Variants in RFTN1 observed in about 807,000 individuals in gnomAD.
The protein encoded by RFTN1 is raftlin.
A neutral mutation model predicts 46.5 loss-of-function variants in RFTN1; 26 were observed. That is an observed-to-expected ratio of 0.56 (90% CI 0.41 to 0.78). RFTN1 has a LOEUF of 0.78. Among genes scored for constraint, RFTN1 ranks in the 30% least tolerant of loss-of-function variants. RFTN1 has a pLI of 0.00. For synonymous variants in RFTN1, 261 were observed against 284.2 expected, an observed-to-expected ratio of 0.92 and a Z score of 0.82; for missense variants, 693 against 718.7, an observed-to-expected ratio of 0.96 and a Z score of 0.41.
chr3:16,403,334 C>A (rs1306868234), intron 4 of RFTN1, among the ~76,000 whole-genome samples: 1 of 151,672 alleles, frequency 6.6e-6, no homozygotes, highest in Non-Finnish European at 1.5e-5. Flanking sequence ...CATTGGCAAA[C>A]TGCATAGCTT....
At chr3:16,419,898 C>G (rs1444858233) in intron 3 of RFTN1, among the ~76,000 whole-genome samples, 3 of 152,180 alleles carry the variant, frequency 2.0e-5, no homozygotes, top group Admixed American at 6.5e-5. Flanking sequence ...AGTTTGGTAT[C>G]TCTGGGAACA....
chr3:16,317,033 G>A lies in RFTN1; in HGVS notation c.1532C>T (p.Pro511Leu), dbSNP rs778299433. Residue 511 changes from proline to leucine, a missense_variant, in exon 10 of 10, where the codon CCT becomes CTT. Coordinates refer to ENST00000334133, the MANE Select transcript of RFTN1 (RefSeq NM_015150.2). This position sits in a 1 kb window ranked among gnomAD's most constrained non-coding sequence, Gnocchi z 4.3. ...CTGTTCTCCCTTGTCCTCTTGGACA[G>A]GGCCCTTCATCTCCTCGGAGACTCC... ...EGGVSEEMKG[P>L]VQEDKGEQLS... is the part of the protein sequence containing the mutation. The A allele has an allele frequency of 3.1e-6, 5 of 1,613,748 alleles. No individual in the cohort carries two copies. In the South Asian group the frequency reaches 3.3e-5, roughly 11 times the overall value.
At chr3:16,340,740 C>T (rs2071262577) in intron 7 of RFTN1, among the ~76,000 whole-genome samples, 2 of 152,208 alleles carry the variant, frequency 1.3e-5, no homozygotes, top group Admixed American at 6.5e-5. Context: ...CCCTACCCCT[C>T]ACCTTCTTGT....
At chr3:16,398,437 C>T (rs2074527384) in intron 4 of RFTN1, among the ~76,000 whole-genome samples, 2 of 152,108 alleles carry the variant, frequency 1.3e-5, no homozygotes, top group African/African-American at 4.8e-5. Context: ...CTTTAGGCTT[C>T]ACTCTTGGCC....
At chr3:16,406,164 G>A (rs964383480) in intron 4 of RFTN1, among the ~76,000 whole-genome samples, 14 of 152,188 alleles carry the variant, frequency 9.2e-5, no homozygotes, top group Non-Finnish European at 1.5e-4. Flanking sequence ...GTGTTGGAGA[G>A]GTACGTGGAA....
intron 3 of RFTN1, among the ~76,000 whole-genome samples, chr3:16,423,227 T>G (rs1359100709): frequency 6.6e-6 from 1 of 151,694 alleles, no homozygotes; most frequent in Non-Finnish European, 1.5e-5. Context: ...GGTTCTCAAA[T>G]CGGGGCAGTT....
At chr3:16,453,400 T>A (rs984640700) in intron 2 of RFTN1, among the ~76,000 whole-genome samples, 1 of 152,206 alleles carries the variant, frequency 6.6e-6, no homozygotes, top group African/African-American at 2.4e-5. Context: ...TATACCACAG[T>A]AGTGCAGCAA....
rs193289505 is a variant in RFTN1, at chr3:16,463,361, T to C, written c.146-29324A>G. On this transcript the variant is annotated intron_variant, in intron 2 of 9. Transcript: ENST00000334133. ...CTTGTCTCTTATGCTTTTTTCTATA[T>C]GTTCCATTTTTCCCTCTTTGCATTT... Among the ~76,000 whole-genome samples, 4 of 152,344 alleles carry C rather than the reference T, an allele frequency of 2.6e-5. No individual in the cohort carries two copies. In the East Asian group the frequency reaches 5.8e-4, roughly 22 times the overall value.
Position 16,352,791 on chromosome 3 carries a change from C to A in RFTN1, c.1146+5141G>T, listed in dbSNP as rs2072187233. On this transcript the variant is annotated intron_variant, in intron 7 of 9. Transcript: ENST00000334133. This position sits in a 1 kb window ranked among gnomAD's most constrained non-coding sequence, Gnocchi z 4.6. ...TTTTGAGAGGTTGTTACCAGTATCC[C>A]CATTTATACAACTGAAAATAGAAAA... Among the ~76,000 whole-genome samples the A allele has an allele frequency of 6.6e-6, 1 of 152,130 alleles. No homozygotes were observed. The highest frequency in any genetic ancestry group is 2.4e-5 in the African/African-American group (1 of 41,404).
At chr3:16,364,673 T>C (rs1274230617) in intron 6 of RFTN1, among the ~76,000 whole-genome samples, 2 of 152,014 alleles carry the variant, frequency 1.3e-5, no homozygotes, top group Non-Finnish European at 2.9e-5. Context: ...AATAAATAAA[T>C]AAAAATATGC....
chr3:16,482,666 G>C, intron 2 of RFTN1: 2 of 1,134,722 alleles, frequency 1.8e-6, no homozygotes, highest in Non-Finnish European at 2.6e-6. Flanking sequence ...TCTCTATAAG[G>C]ATTAATTGAC....
rs114823297 is a variant in RFTN1 at position 16,406,590 on chromosome 3, G to T, written c.441+2785C>A. Among the ~76,000 whole-genome samples, 402 of 152,306 alleles carry T rather than the reference G, an allele frequency of 2.6e-3. 1 individual carries two copies. The highest frequency in any genetic ancestry group is 4.1e-3 in the Non-Finnish European group (281 of 68,022). ...TTATTTAAAAACCAAGTGTATGACA[G>T]GAACAGGATGATACGATGGGCTTTA... On this transcript the variant is annotated intron_variant, in intron 4 of 9. Transcript: ENST00000334133.
At position 16,371,008 on chromosome 3, in the gene RFTN1, G is replaced by A. The variant is rs1427325875; in HGVS notation, c.827-729C>T. 2.0e-5 allele frequency: 3 copies of A among 152,160 alleles called. No homozygotes were observed. The East Asian group carries it at 5.8e-4, about 29-fold the overall frequency. The allele number at this position is 152,160 out of a possible 1,614,324, so 9.4% of individuals were successfully genotyped here. On this transcript the variant is annotated intron_variant, in intron 5 of 9. Transcript: ENST00000334133. ...AGCCGCAACTGCCTACGTGCAGCTG[G>A]GCGTGGCTTAGCAGTAGCAGCCTCC...
rs11447361 is a variant in RFTN1, at chr3:16,418,500, C to CA, written c.333-9018dup. On this transcript the variant is annotated intron_variant, in intron 3 of 9. Coordinates refer to ENST00000334133, the MANE Select transcript of RFTN1 (RefSeq NM_015150.2). This position sits in a 1 kb window ranked among gnomAD's most constrained non-coding sequence, Gnocchi z 5.0. ...TATTTTTGCTTCATTTAGAAATAAT[C>CA]AAAAAAAAATGGTGACAAACACAAA... is the stretch of plus-strand genomic sequence containing the variant. 0.11 allele frequency among the ~76,000 whole-genome samples: 16,099 copies of CA among 149,348 alleles called. 1,284 individuals are homozygous for CA. Among genetic ancestry groups the CA allele is most frequent in the African/African-American group, 0.23 (9,391 of 40,762 alleles).
intron 6 of RFTN1, among the ~76,000 whole-genome samples, chr3:16,359,700 G>A (rs961186211): frequency 1.3e-5 from 2 of 152,212 alleles, no homozygotes; most frequent in East Asian, 1.9e-4. Context: ...TTTAAGCCAC[G>A]CAGTGTGTGG....
At position 16,404,327 on chromosome 3, in the gene RFTN1, T is replaced by C. The variant is rs369434516; in HGVS notation, c.441+5048A>G. Among the ~76,000 whole-genome samples, 10 of 28,624 alleles carry C rather than the reference T, an allele frequency of 3.5e-4. 1 individual carries two copies. Among genetic ancestry groups the C allele is most frequent in the East Asian group, 1.9e-3 (2 of 1,056 alleles). 18.8% of individuals were successfully genotyped at this position (28,624 alleles called of 152,430 possible). Reference sequence around the variant, plus strand: ...TGTAATATATATTATATATAATATATAATATATAATATATATAATATATAA... The same window carrying C: ...TGTAATATATATTATATATAATATACAATATATAATATATATAATATATAA... On this transcript the variant is annotated intron_variant, in intron 4 of 9. Transcript: ENST00000334133.
rs765190147 is a variant in RFTN1 at position 16,474,785 on chromosome 3, C to T, written c.145+18940G>A. Among the ~76,000 whole-genome samples the T allele has an allele frequency of 6.6e-6, 1 of 152,196 alleles. No individual in the cohort carries two copies. Among genetic ancestry groups the T allele is most frequent in the Non-Finnish European group, 1.5e-5 (1 of 68,038 alleles). ...CATGGAGCCAGTTGGGAGATGACAT[C>T]TTGACAAGTTGGACTCTTTCGGGAC... On this transcript the variant is annotated intron_variant, in intron 2 of 9. Coordinates refer to ENST00000334133, the MANE Select transcript of RFTN1 (RefSeq NM_015150.2). The surrounding 1 kb of genome is among the most constrained non-coding windows in gnomAD (Gnocchi z 5.5).
rs1197427442 is a variant in RFTN1, at chr3:16,504,321, G to A, written c.-9+9121C>T. On this transcript the variant is annotated intron_variant, in intron 1 of 9. Transcript: ENST00000334133. The surrounding 1 kb of genome is among the most constrained non-coding windows in gnomAD (Gnocchi z 4.4). ...GATGTGTGCATCTGTTGGACACTGAGCAACTTCTCAAAACTTGGAACCACA... is the reference window on the plus strand; with the variant it reads ...GATGTGTGCATCTGTTGGACACTGAACAACTTCTCAAAACTTGGAACCACA... 3.3e-5 allele frequency among the ~76,000 whole-genome samples: 5 copies of A among 152,272 alleles called. No homozygotes were observed. The highest frequency in any genetic ancestry group is 1.2e-4 in the African/African-American group (5 of 41,530).
rs2071628902 is a variant in RFTN1 at position 16,345,805 on chromosome 3, T to G, written c.1146+12127A>C. On this transcript the variant is annotated intron_variant, in intron 7 of 9. Coordinates refer to ENST00000334133, the MANE Select transcript of RFTN1 (RefSeq NM_015150.2). This position sits in a 1 kb window ranked among gnomAD's most constrained non-coding sequence, Gnocchi z 5.2. ...ATAAATCTCTGTGTGTGTGTGTGTGTGTGTGTGTGTGTGCGCGCGCGCGTG... is the reference window on the plus strand; with the variant it reads ...ATAAATCTCTGTGTGTGTGTGTGTGGGTGTGTGTGTGTGCGCGCGCGCGTG... Among the ~76,000 whole-genome samples the G allele has an allele frequency of 1.2e-5, 1 of 85,842 alleles. No homozygotes were observed. The highest frequency in any genetic ancestry group is 2.2e-5 in the Non-Finnish European group (1 of 44,654). The allele number at this position is 85,842 out of a possible 152,430, so 56.3% of individuals were successfully genotyped here. A position where few individuals can be genotyped will look rare whatever the true frequency, so the allele number is the denominator to read the frequency against.
Sources: allele counts gnomAD v4.1 joint callset (sites outside exome capture counted in the v4.1 genomes callset), GRCh38; gene constraint gnomAD v4.1.1; non-coding constraint Gnocchi (gnomAD v3.1); transcripts MANE v1.5; gene names NCBI Gene and HGNC (gene_info 2026-07-23, HGNC 2026-07-21).